LRMDA: variants seen among roughly 807,000 people sequenced by gnomAD.
LRMDA encodes the protein leucine-rich melanocyte differentiation-associated protein.
In LRMDA, 18 loss-of-function variants were observed where a neutral mutation model predicts 29.8. The ratio of observed to expected loss-of-function variants is 0.60; its 90% CI spans 0.42 to 0.90. The LOEUF (loss-of-function observed/expected upper bound fraction) is 0.90, where lower values mean the gene tolerates loss of function less well. Among genes scored for constraint, LRMDA ranks in the 40% least tolerant of loss-of-function variants. LRMDA has a pLI of 0.00. For synonymous variants in LRMDA, 125 were observed against 109.4 expected, an observed-to-expected ratio of 1.14 and a Z score of -0.89; for missense variants, 273 against 273.9, an observed-to-expected ratio of 1.00 and a Z score of 0.02.
intron 2 of LRMDA, among the ~76,000 whole-genome samples, chr10:75,617,046 C>T (rs973955463): frequency 6.6e-6 from 1 of 152,272 alleles, no homozygotes; most frequent in East Asian, 1.9e-4. Flanking sequence ...GGATTAAGGT[C>T]CAGATGGTTT....
chr10:75,898,694 A>G (rs968405121), intron 2 of LRMDA, among the ~76,000 whole-genome samples: 15 of 152,188 alleles, frequency 9.9e-5, no homozygotes, highest in African/African-American at 3.4e-4. Context: ...AACTCAAGAA[A>G]TGTCTAAGAT....
At chr10:75,923,830 C>A (rs1846069555) in intron 2 of LRMDA, among the ~76,000 whole-genome samples, 1 of 152,126 alleles carries the variant, frequency 6.6e-6, no homozygotes. Flanking sequence ...CCCTCCCTTA[C>A]CCCCTTGCAT....
At chr10:76,448,001 T>A (rs1032494372) in intron 6 of LRMDA, among the ~76,000 whole-genome samples, 3 of 152,220 alleles carry the variant, frequency 2.0e-5, no homozygotes, top group African/African-American at 7.2e-5. Flanking sequence ...ATTGAATGTT[T>A]AAGTTTACAA....
chr10:75,496,112 T>G (rs891318380), intron 2 of LRMDA, among the ~76,000 whole-genome samples: 17 of 152,224 alleles, frequency 1.1e-4, no homozygotes, highest in African/African-American at 3.6e-4. Flanking sequence ...CTGGGTCATT[T>G]TGAGCACTTT....
chr10:75,431,803 G>T, intron 1 of LRMDA, 49 bp downstream of exon 1: 1 of 1,312,052 alleles, frequency 7.6e-7, no homozygotes, highest in South Asian at 2.3e-5. Flanking sequence ...TCCGCGTGGG[G>T]AGGGACAGCG....
At chr10:76,230,043 C>T (rs1267950982) in intron 5 of LRMDA, among the ~76,000 whole-genome samples, 1 of 152,004 alleles carries the variant, frequency 6.6e-6, no homozygotes, top group African/African-American at 2.4e-5. Context: ...AACTGCCTGA[C>T]CATCACCTGA....
At chr10:76,532,379 C>T (rs1024182900) in intron 6 of LRMDA, among the ~76,000 whole-genome samples, 1 of 152,172 alleles carries the variant, frequency 6.6e-6, no homozygotes, top group Non-Finnish European at 1.5e-5. Context: ...GTTTGGTAAA[C>T]AGAGAAAGTT....
intron 2 of LRMDA, among the ~76,000 whole-genome samples, chr10:75,991,540 G>C (rs1307771393): frequency 6.6e-6 from 1 of 152,190 alleles, no homozygotes; most frequent in Non-Finnish European, 1.5e-5. Context: ...ATCTTGTTTA[G>C]GGATGGCAAA....
At chr10:76,466,289 G>A (rs1842563524) in intron 6 of LRMDA, among the ~76,000 whole-genome samples, 1 of 152,098 alleles carries the variant, frequency 6.6e-6, no homozygotes, top group Admixed American at 6.5e-5. Context: ...GCAAGTATGA[G>A]GGGTAGACAA....
chr10:75,845,663 C>T (rs1426991128), intron 2 of LRMDA, among the ~76,000 whole-genome samples: 2 of 152,210 alleles, frequency 1.3e-5, no homozygotes, highest in African/African-American at 4.8e-5. Context: ...TCAATTGCAC[C>T]ATCAGCTCTT....
chr10:75,998,316 C>A (rs2132466450), intron 2 of LRMDA, among the ~76,000 whole-genome samples: 1 of 152,274 alleles, frequency 6.6e-6, no homozygotes, highest in African/African-American at 2.4e-5. Flanking sequence ...TCTGCTTTGA[C>A]TTACTTCCCA....
chr10:76,365,085 C>CACACATATATATATATATAT (rs1272382582), intron 6 of LRMDA, among the ~76,000 whole-genome samples: 1 of 69,722 alleles, frequency 1.4e-5, no homozygotes, highest in African/African-American at 4.4e-5. Flanking sequence ...CACACACACA[C>CACACATATATATATATATAT]ATATATATAT....
At position 75,943,172 on chromosome 10, in the gene LRMDA, A is replaced by C. The variant is rs145939112; in HGVS notation, c.132-92836A>C. Among the ~76,000 whole-genome samples the C allele has an allele frequency of 2.6e-3, 402 of 152,204 alleles. 3 individuals carry two copies. The highest frequency in any genetic ancestry group is 7.5e-3 in the African/African-American group (313 of 41,542). On this transcript the variant is annotated intron_variant, in intron 2 of 6. Coordinates refer to ENST00000611255, the MANE Select transcript of LRMDA (RefSeq NM_001305581.2). ...CCCACTGATGTTTTCAGCAAAAAAA[A>C]AAAAAAAAGGACTATGAGATAGAAT... is the stretch of plus-strand genomic sequence containing the variant.
At chr10:76,345,233 AT>A (rs1300646210) in intron 6 of LRMDA, among the ~76,000 whole-genome samples, 2 of 145,312 alleles carry the variant, frequency 1.4e-5, no homozygotes, top group Non-Finnish European at 3.0e-5. Context: ...CGCCCGGCTA[AT>A]TTTTTGTATT....
Position 75,877,605 on chromosome 10 carries a change from A to T in LRMDA, c.132-158403A>T, listed in dbSNP as rs189339676. On this transcript the variant is annotated intron_variant, in intron 2 of 6. Coordinates refer to ENST00000611255, the MANE Select transcript of LRMDA (RefSeq NM_001305581.2). ...AAATATGTTACTTGTAGGGTATAAT[A>T]GTTGGACCTATTAACCTAGTCTAAC... Among the ~76,000 whole-genome samples, 4 of 152,350 alleles carry T rather than the reference A, an allele frequency of 2.6e-5. No homozygotes were observed. In the East Asian group the frequency reaches 5.8e-4, roughly 22 times the overall value.
intron 2 of LRMDA, among the ~76,000 whole-genome samples, chr10:75,777,234 G>A (rs971880575): frequency 6.6e-6 from 1 of 152,188 alleles, no homozygotes; most frequent in Non-Finnish European, 1.5e-5. Context: ...AAGATGTGAA[G>A]CTCAAAGCAG....
Position 75,896,730 on chromosome 10 carries a change from C to T in LRMDA, c.132-139278C>T, listed in dbSNP as rs561255385. The stretch of plus-strand genomic sequence containing the variant: ...TGTGAATTTCTGACATCAGCCTCCT[C>T]GTTTAATATTTATCCGCCCCACTTC... On this transcript the variant is annotated intron_variant, in intron 2 of 6. Coordinates refer to ENST00000611255, the MANE Select transcript of LRMDA (RefSeq NM_001305581.2). 1.6e-4 allele frequency among the ~76,000 whole-genome samples: 25 copies of T among 152,234 alleles called. No individual in the cohort carries two copies. In the South Asian group the frequency reaches 1.9e-3, roughly 11 times the overall value.
chr10:76,389,840 T>A (rs1841702267), intron 6 of LRMDA, among the ~76,000 whole-genome samples: 2 of 152,188 alleles, frequency 1.3e-5, no homozygotes, highest in African/African-American at 4.8e-5. Flanking sequence ...TCCAATTGTA[T>A]CTATATGCCA....
chr10:76,444,796 T>A (rs1286807229), intron 6 of LRMDA, among the ~76,000 whole-genome samples: 1 of 152,098 alleles, frequency 6.6e-6, no homozygotes, highest in East Asian at 1.9e-4. Flanking sequence ...AAAGTTTGGA[T>A]CAGTATGTAT....
Sources: allele counts gnomAD v4.1 joint callset (sites outside exome capture counted in the v4.1 genomes callset), GRCh38; gene constraint gnomAD v4.1.1; transcripts MANE v1.5; gene names NCBI Gene and HGNC (gene_info 2026-07-23, HGNC 2026-07-21).